The following NFIB variants were observed in gnomAD, a reference collection of about 807,000 sequenced individuals.
The protein encoded by NFIB is nuclear factor 1 B-type.
A neutral mutation model predicts 61.5 loss-of-function variants in NFIB; 11 were observed. That is an observed-to-expected ratio of 0.18 (90% confidence interval 0.11 to 0.30). The LOEUF (loss-of-function observed/expected upper bound fraction) is 0.30. Among genes scored for constraint, NFIB ranks in the 10% least tolerant of loss-of-function variants. NFIB has a pLI of 1.00. For missense variants in NFIB, 471 were observed against 608.9 expected (o/e 0.77, Z 2.38); for synonymous variants, 260 against 216.5 (o/e 1.20, Z -1.76).
intron 2 of NFIB, among the ~76,000 whole-genome samples, chr9:14,184,098 C>T (rs200870281): frequency 2.0e-5 from 3 of 152,000 alleles, no homozygotes; most frequent in Non-Finnish European, 4.4e-5. Context: ...AATATCTAAG[C>T]TTACCTAAGG....
Position 14,087,837 on chromosome 9 carries a change from CAAG to C in NFIB, c.*469_*471del. On this transcript the variant is annotated 3_prime_UTR_variant, in exon 11 of 11. Coordinates refer to ENST00000380953, the MANE Select transcript of NFIB (RefSeq NM_001190737.2). The stretch of plus-strand genomic sequence containing the variant: ...GAATAGTGATTCCATGCGTAAACAA[CAAG>C]AATACTAAACCAATAAAACTAGCTT... 4.5e-6 allele frequency: 1 copy of C among 224,240 alleles called. No homozygotes were observed. Among genetic ancestry groups the C allele is most frequent in the Non-Finnish European group, 8.9e-6 (1 of 112,206 alleles). The allele number at this position is 224,240 out of a possible 1,614,324, so 13.9% of individuals were successfully genotyped here. A position where few individuals can be genotyped will look rare whatever the true frequency, so the allele number is the denominator to read the frequency against.
At chr9:14,330,628 T>G (rs2060809284) in intron 1 of NFIB, among the ~76,000 whole-genome samples, 1 of 152,210 alleles carries the variant, frequency 6.6e-6, no homozygotes, top group African/African-American at 2.4e-5. Flanking sequence ...ATCATAAGCA[T>G]CCTGTGTAGT....
the NFIB span, among the ~76,000 whole-genome samples, chr9:14,472,969 C>G: frequency 6.6e-6 from 1 of 152,334 alleles, no homozygotes; most frequent in Non-Finnish European, 1.5e-5. Flanking sequence ...GTTATCATTT[C>G]TAGCTTCCAC....
intron 1 of NFIB, among the ~76,000 whole-genome samples, chr9:14,397,282 G>GA (rs2061696596): frequency 6.6e-6 from 1 of 152,164 alleles, no homozygotes; most frequent in Non-Finnish European, 1.5e-5. Flanking sequence ...CAGTCTCTGA[G>GA]AAAAACAAGC....
chr9:14,386,019 G>T (rs1460676245), intron 1 of NFIB, among the ~76,000 whole-genome samples: 1 of 152,070 alleles, frequency 6.6e-6, no homozygotes, highest in Non-Finnish European at 1.5e-5. Flanking sequence ...CTGACCTCAG[G>T]TGATCTACCC....
chr9:14,425,040 A>G, the NFIB span, among the ~76,000 whole-genome samples: 1 of 152,218 alleles, frequency 6.6e-6, no homozygotes, highest in African/African-American at 2.4e-5. Context: ...GAAGTACTCA[A>G]GTGCCCAATT....
intron 6 of NFIB, among the ~76,000 whole-genome samples, chr9:14,126,498 G>A (rs2039663695): frequency 6.6e-6 from 1 of 152,204 alleles, no homozygotes; most frequent in Admixed American, 6.5e-5. Context: ...TCCCCAGGAT[G>A]AGGAAGGCAT....
At chr9:14,287,975 G>A (rs9696439) in intron 2 of NFIB, among the ~76,000 whole-genome samples, 97,946 of 151,868 alleles carry the variant, frequency 0.64, 32,266 homozygotes, top group African/African-American at 0.76. Context: ...CAACAGCCAC[G>A]CTTGATTTTT....
At chr9:14,398,443 C>T in intron 1 of NFIB, 1 of 1,052,034 alleles carries the variant, frequency 9.5e-7, no homozygotes, top group Non-Finnish European at 1.4e-6. Context: ...ATTTTCTGAA[C>T]CCCACACTGA....
At chr9:14,354,780 CTGTGTGTGTG>C (rs67877825) in intron 1 of NFIB, among the ~76,000 whole-genome samples, 264 of 145,874 alleles carry the variant, frequency 1.8e-3, no homozygotes, top group Admixed American at 3.3e-3. Flanking sequence ...AATGGGTACT[CTGTGTGTGTG>C]TGTGTGTGTG....
At chr9:14,332,905 G>A (rs934501291) in intron 1 of NFIB, among the ~76,000 whole-genome samples, 3 of 152,142 alleles carry the variant, frequency 2.0e-5, no homozygotes, top group Non-Finnish European at 4.4e-5. Flanking sequence ...CAATGAGGTC[G>A]GAAGGGTGGT....
chr9:14,359,836 T>A (rs951645029), intron 1 of NFIB, among the ~76,000 whole-genome samples: 1 of 152,004 alleles, frequency 6.6e-6, no homozygotes, highest in Non-Finnish European at 1.5e-5. Context: ...AGTAGTAAAG[T>A]TAGATTTAAA....
chr9:14,513,836 C>A, the NFIB span, among the ~76,000 whole-genome samples: 40 of 152,116 alleles, frequency 2.6e-4, 1 homozygote, highest in African/African-American at 9.6e-4. Context: ...GTTTGTTTAA[C>A]CTATAAGAAA....
chr9:14,512,635 T>C, the NFIB span, among the ~76,000 whole-genome samples: 1 of 152,170 alleles, frequency 6.6e-6, no homozygotes, highest in Non-Finnish European at 1.5e-5. Context: ...ATGCTTTTAA[T>C]GTAGTGCTGA....
At chr9:14,141,375 T>A (rs1004268413) in intron 6 of NFIB, among the ~76,000 whole-genome samples, 2 of 152,202 alleles carry the variant, frequency 1.3e-5, no homozygotes, top group African/African-American at 4.8e-5. Flanking sequence ...ACTCTCCAAA[T>A]TGTAATAACA....
At chr9:14,418,368 C>A in the NFIB span, among the ~76,000 whole-genome samples, 1 of 152,158 alleles carries the variant, frequency 6.6e-6, no homozygotes, top group Admixed American at 6.5e-5. Flanking sequence ...GCTGTTTCCC[C>A]AGGGAAGTTA....
At position 14,084,627 on chromosome 9, in the gene NFIB, C is replaced by T. The variant is rs974893124; in HGVS notation, c.*3682G>A. On this transcript the variant is annotated 3_prime_UTR_variant, in exon 11 of 11. Transcript: ENST00000380953. ...GCAGCACACAAAGGCTGAACAGTGC[C>T]ACGGAACTGATGGTTGGAGACACCA... The T allele has an allele frequency of 3.1e-5, 7 of 229,186 alleles. No homozygotes were observed. Among genetic ancestry groups the T allele is most frequent in the African/African-American group, 6.7e-5 (3 of 45,030 alleles). The allele number at this position is 229,186 out of a possible 1,614,324, so 14.2% of individuals were successfully genotyped here. A position where few individuals can be genotyped will look rare whatever the true frequency, so the allele number is the denominator to read the frequency against.
intron 2 of NFIB, among the ~76,000 whole-genome samples, chr9:14,281,991 T>C (rs1054158386): frequency 6.6e-6 from 1 of 152,146 alleles, no homozygotes; most frequent in Non-Finnish European, 1.5e-5. Flanking sequence ...AAAAAACCAA[T>C]GTAAACTTTA....
chr9:14,140,255 T>C (rs2041533731), intron 6 of NFIB, among the ~76,000 whole-genome samples: 1 of 152,208 alleles, frequency 6.6e-6, no homozygotes, highest in Non-Finnish European at 1.5e-5. Context: ...TTAATGTTAA[T>C]GACTCCCAGA....
Sources: gnomAD v4.1 joint callset for allele counts (sites outside exome capture counted in the v4.1 genomes callset) on GRCh38, gnomAD v4.1.1 for gene constraint, MANE v1.5 for transcripts, NCBI Gene and HGNC (gene_info 2026-07-23, HGNC 2026-07-21) for gene names.